The following OSBPL8 variants were observed in gnomAD, a reference collection of about 807,000 sequenced individuals.
OSBPL8 encodes the protein oxysterol-binding protein-related protein 8.
A neutral mutation model predicts 125.5 loss-of-function variants in OSBPL8; 59 were observed. The observed-to-expected ratio is 0.47, with a 90% CI of 0.38 to 0.58. The LOEUF is 0.58. Among genes scored for constraint, OSBPL8 ranks in the 20% least tolerant of loss-of-function variants. OSBPL8 has a pLI of 0.00. For missense variants in OSBPL8, 758 were observed against 1,047.8 expected (o/e 0.72, Z 3.82); for synonymous variants, 330 against 338.9 (o/e 0.97, Z 0.29).
At chr12:76,396,821 G>GT (rs769819476) in intron 8 of OSBPL8, among the ~76,000 whole-genome samples, 1 of 151,618 alleles carries the variant, frequency 6.6e-6, no homozygotes, top group East Asian at 1.9e-4. Flanking sequence ...ATGCTTGTTT[G>GT]TTTTTTTTGA....
At chr12:76,559,217 A>C (rs1050197457) in intron 1 of OSBPL8, among the ~76,000 whole-genome samples, 180 bp downstream of exon 1, 3 of 151,812 alleles carry the variant, frequency 2.0e-5, no homozygotes, top group African/African-American at 7.3e-5. Context: ...TAAACACTCC[A>C]CCCTGCCAGC....
intron 17 of OSBPL8, among the ~76,000 whole-genome samples, chr12:76,374,532 T>G (rs552411305): frequency 3.3e-4 from 51 of 152,240 alleles, no homozygotes; most frequent in African/African-American, 1.1e-3. Context: ...TTTGAAACCC[T>G]CAACTGCCAA....
chr12:76,394,923 C>T (rs1046838945), intron 8 of OSBPL8, among the ~76,000 whole-genome samples, 194 bp from the exon 9 acceptor site: 1 of 152,006 alleles, frequency 6.6e-6, no homozygotes. Context: ...AAATATATCT[C>T]CTTAGCAGAA....
intron 5 of OSBPL8, among the ~76,000 whole-genome samples, chr12:76,408,461 CAAAAAAAAAAAAA>C (rs71082306): frequency 2.7e-5 from 2 of 73,300 alleles, no homozygotes; most frequent in Non-Finnish European, 5.2e-5. Context: ...GACTCCTTCT[CAAAAAAAAAAAAA>C]AAAAAAAAAG....
chr12:76,424,608 T>C (rs1869916478), intron 4 of OSBPL8, among the ~76,000 whole-genome samples: 1 of 152,334 alleles, frequency 6.6e-6, no homozygotes, highest in African/African-American at 2.4e-5. Flanking sequence ...CATTCAAATC[T>C]CTGTTTTATC....
chr12:76,469,789 C>T (rs796210558), intron 2 of OSBPL8, among the ~76,000 whole-genome samples: 56 of 152,198 alleles, frequency 3.7e-4, no homozygotes, highest in African/African-American at 1.1e-3. Flanking sequence ...GAAATGTTAG[C>T]TCCACTGAAG....
intron 2 of OSBPL8, among the ~76,000 whole-genome samples, chr12:76,468,239 C>T (rs968615213): frequency 6.6e-5 from 10 of 151,988 alleles, no homozygotes; most frequent in South Asian, 2.1e-4. Flanking sequence ...TCTGGTGGCA[C>T]CCTATTCTTT....
intron 1 of OSBPL8, among the ~76,000 whole-genome samples, chr12:76,501,732 AC>A (rs777686537): frequency 2.0e-5 from 3 of 151,974 alleles, no homozygotes; most frequent in South Asian, 2.1e-4. Context: ...TGCCCAACTG[AC>A]CAGCGGTAGA....
chr12:76,446,926 G>A (rs936093025), intron 4 of OSBPL8, among the ~76,000 whole-genome samples: 3 of 152,112 alleles, frequency 2.0e-5, no homozygotes, highest in African/African-American at 4.8e-5. Flanking sequence ...TTCACATTAC[G>A]CCTTCAATCA....
rs895335641 is a variant in OSBPL8, at chr12:76,385,098, T to A, written c.1534-748A>T. ...AATATATTTACTTCTAATGTTCTCT[T>A]ACATGAGACAAACTAAAATCAGCAT... On this transcript the variant is annotated intron_variant, in intron 14 of 23. Coordinates refer to ENST00000261183, the MANE Select transcript of OSBPL8 (RefSeq NM_020841.5). Among the ~76,000 whole-genome samples the A allele has an allele frequency of 5.3e-5, 8 of 152,284 alleles. 1 individual carries two copies. The Middle Eastern group carries it at 0.02, about 388-fold the overall frequency.
At chr12:76,440,719 G>C (rs962889433) in intron 4 of OSBPL8, among the ~76,000 whole-genome samples, 6 of 152,136 alleles carry the variant, frequency 3.9e-5, no homozygotes, top group Admixed American at 1.3e-4. Flanking sequence ...CATTAACTAA[G>C]TACGTTACCC....
At chr12:76,529,654 A>G (rs1393928970) in intron 1 of OSBPL8, among the ~76,000 whole-genome samples, 1 of 152,214 alleles carries the variant, frequency 6.6e-6, no homozygotes, top group Non-Finnish European at 1.5e-5. Context: ...TAGTGGGGGA[A>G]GAAGACTCGA....
At chr12:76,393,880 C>T (rs996428293) in intron 9 of OSBPL8, among the ~76,000 whole-genome samples, 10 of 150,208 alleles carry the variant, frequency 6.7e-5, no homozygotes, top group African/African-American at 1.2e-4. Context: ...ATTAGCTGGG[C>T]GTGGTGGCAT....
intron 1 of OSBPL8, among the ~76,000 whole-genome samples, chr12:76,548,840 G>C (rs1232267141): frequency 6.6e-6 from 1 of 151,998 alleles, no homozygotes; most frequent in Non-Finnish European, 1.5e-5. Flanking sequence ...ACCATGAATG[G>C]ACAACCAAGA....
chr12:76,503,701 G>T (rs559128055), intron 1 of OSBPL8, among the ~76,000 whole-genome samples: 1 of 152,084 alleles, frequency 6.6e-6, no homozygotes, highest in East Asian at 1.9e-4. Flanking sequence ...ACCATGCCCG[G>T]CTAATTTTTT....
chr12:76,503,215 A>G (rs114159870), intron 1 of OSBPL8, among the ~76,000 whole-genome samples: 1,599 of 152,314 alleles, frequency 0.01, 39 homozygotes, highest in African/African-American at 0.037. Flanking sequence ...ACAGAACATT[A>G]TTTCCTCATA....
At chr12:76,387,323 G>A (rs1379099736) in intron 12 of OSBPL8, among the ~76,000 whole-genome samples, 1 of 152,140 alleles carries the variant, frequency 6.6e-6, no homozygotes, top group African/African-American at 2.4e-5. Context: ...CAAATATGAT[G>A]CAGAGCCAAA....
intron 2 of OSBPL8, among the ~76,000 whole-genome samples, chr12:76,478,483 T>G (rs1051823581): frequency 6.6e-6 from 1 of 152,174 alleles, no homozygotes; most frequent in Non-Finnish European, 1.5e-5. Flanking sequence ...GCTGTTACAT[T>G]CTGTATGCCA....
rs1372837076 is a variant in OSBPL8, at chr12:76,464,267, AC to A, written c.43-4373del. Among the ~76,000 whole-genome samples, 6 of 152,312 alleles carry A rather than the reference AC, an allele frequency of 3.9e-5. No homozygotes were observed. The East Asian group carries it at 1.2e-3, about 29-fold the overall frequency. ...CAGCCACTGCACTCCAGCCTGAGCA[AC>A]ATAGTGAGACCCTGTCTCTAAAAAG... On this transcript the variant is annotated intron_variant, in intron 2 of 23. Coordinates refer to ENST00000261183, the MANE Select transcript of OSBPL8 (RefSeq NM_020841.5).
Sources: allele counts gnomAD v4.1 joint callset (sites outside exome capture counted in the v4.1 genomes callset), GRCh38; gene constraint gnomAD v4.1.1; transcripts MANE v1.5; gene names NCBI Gene and HGNC (gene_info 2026-07-23, HGNC 2026-07-21).